SENP6: variants seen among roughly 807,000 people sequenced by gnomAD.
The protein encoded by SENP6 is sentrin-specific protease 6.
Under a neutral mutation model 134.5 loss-of-function variants are expected in SENP6, and 41 were observed. The observed-to-expected ratio is 0.30, with a 90% CI of 0.24 to 0.40. The LOEUF is 0.40. Ranked by LOEUF, SENP6 falls within the 10% of genes least tolerant of loss-of-function variation. SENP6 has a pLI of 1.00. For missense variants in SENP6, 1,248 were observed against 1,312.5 expected (o/e 0.95, Z 0.76); for synonymous variants, 395 against 429.8 (o/e 0.92, Z 1.00).
rs1199601110 is a variant in SENP6 at position 75,663,819 on chromosome 6, T to TGGG, written c.994+302_994+303insGGG. Among the ~76,000 whole-genome samples, 85 of 90,722 alleles carry TGGG rather than the reference T, an allele frequency of 9.4e-4. 3 individuals carry two copies. The highest frequency in any genetic ancestry group is 2.2e-3 in the African/African-American group (39 of 17,516). The allele number at this position is 90,722 out of a possible 152,430, so 59.5% of individuals were successfully genotyped here. A position where few individuals can be genotyped will look rare whatever the true frequency, so the allele number is the denominator to read the frequency against. On this transcript the variant is annotated intron_variant, in intron 9 of 23. Coordinates refer to ENST00000447266, the MANE Select transcript of SENP6 (RefSeq NM_015571.4). ...CCTGCTGATAGTGGGTTTTTTTTTTTGTGGGGGGGGGGGTGCCTAAAATAA... is the reference window on the plus strand; with the variant it reads ...CCTGCTGATAGTGGGTTTTTTTTTTTGGGGTGGGGGGGGGGGTGCCTAAAATAA...
At position 75,666,959 on chromosome 6, in the gene SENP6, T is replaced by G; in HGVS notation, c.1224+18T>G. 1 of 1,555,554 alleles carries G rather than the reference T, an allele frequency of 6.4e-7. No individual in the cohort carries two copies. Among genetic ancestry groups the G allele is most frequent in the South Asian group, 1.2e-5 (1 of 86,874 alleles). On this transcript the variant is annotated intron_variant, in intron 10 of 23. Transcript: ENST00000447266. ...AAGACCAGGTACTTTTCACTTTTGT[T>G]GACATTTGTTCAGATTAATGCCTCC...
At chr6:75,621,710 T>C (rs1252768329) in intron 2 of SENP6, 85 bp downstream of exon 2, 1 of 799,494 alleles carries the variant, frequency 1.3e-6, no homozygotes, top group Non-Finnish European at 2.0e-6. Flanking sequence ...GAAATATTTT[T>C]AGGAGTATGG....
chr6:75,697,293 C>A lies in SENP6; in HGVS notation c.2196-132C>A, dbSNP rs111284064. The A allele has an allele frequency of 1.1e-4, 67 of 601,372 alleles. 1 individual carries two copies. The highest frequency in any genetic ancestry group is 1.0e-3 in the African/African-American group (55 of 54,010). The allele number at this position is 601,372 out of a possible 1,614,324, so 37.3% of individuals were successfully genotyped here. On this transcript the variant is annotated intron_variant, in intron 17 of 23. Coordinates refer to ENST00000447266, the MANE Select transcript of SENP6 (RefSeq NM_015571.4). Reference sequence around the variant, plus strand: ...CATCCAACAAGTTCTATTTTCTTTCCCCAGTTTGTCAAACCATTTTATGCA... The same window carrying A: ...CATCCAACAAGTTCTATTTTCTTTCACCAGTTTGTCAAACCATTTTATGCA...
At chr6:75,642,534 A>G (rs1222415464) in intron 6 of SENP6, among the ~76,000 whole-genome samples, 2 of 152,196 alleles carry the variant, frequency 1.3e-5, no homozygotes, top group Admixed American at 6.5e-5. Flanking sequence ...AACAGAAAAA[A>G]GGGGCCACTA....
chr6:75,680,098 A>C (rs1773361380), intron 16 of SENP6, among the ~76,000 whole-genome samples: 1 of 152,238 alleles, frequency 6.6e-6, no homozygotes, highest in Non-Finnish European at 1.5e-5. Flanking sequence ...TTTTAGTTGA[A>C]ATGATGAGAC....
chr6:75,604,607 T>C (rs1203886606), intron 1 of SENP6, among the ~76,000 whole-genome samples: 1 of 149,820 alleles, frequency 6.7e-6, no homozygotes, highest in Non-Finnish European at 1.5e-5. Context: ...CCAGGGCAAC[T>C]GAGCGAGATT....
intron 10 of SENP6, among the ~76,000 whole-genome samples, chr6:75,667,751 G>A (rs1362142504): frequency 1.3e-5 from 2 of 152,108 alleles, no homozygotes; most frequent in African/African-American, 4.8e-5. Flanking sequence ...CAGTACGTAA[G>A]GCTTTATATG....
chr6:75,608,752 C>T (rs1160710081), intron 1 of SENP6, among the ~76,000 whole-genome samples: 1 of 152,074 alleles, frequency 6.6e-6, no homozygotes, highest in African/African-American at 2.4e-5. Context: ...TTGTAGTTAC[C>T]TTATAAGATT....
chr6:75,709,408 C>A, intron 19 of SENP6, 119 bp from the exon 20 acceptor site: 1 of 595,906 alleles, frequency 1.7e-6, no homozygotes, highest in Non-Finnish European at 2.9e-6. Flanking sequence ...CACACTAAGG[C>A]AGATTTTGTG....
intron 16 of SENP6, among the ~76,000 whole-genome samples, chr6:75,686,853 G>C (rs1773878585): frequency 6.6e-6 from 1 of 152,064 alleles, no homozygotes; most frequent in African/African-American, 2.4e-5. Context: ...TCAACCTTGG[G>C]GAATCTGACA....
In SENP6 at chr6:75,695,915, T is replaced by C; in HGVS notation, c.2187T>C (p.Thr729=). ...GAGAGAGGAGAAATCATGAAACAAC[T>C]AATCTGTCGTAAGTCAAACTCTGAA... ...NQRERRNHET[T]NLSIQQKRHG... Residue 729 remains threonine (T), a synonymous_variant, in exon 17 of 24, where the codon ACT becomes ACC. Coordinates refer to ENST00000447266, the MANE Select transcript of SENP6 (RefSeq NM_015571.4). The C allele has an allele frequency of 6.3e-7, 1 of 1,597,096 alleles. No individual in the cohort carries two copies. The highest frequency in any genetic ancestry group is 8.5e-7 in the Non-Finnish European group (1 of 1,174,406).
At chr6:75,688,409 C>G (rs901903807) in intron 16 of SENP6, among the ~76,000 whole-genome samples, 1 of 152,144 alleles carries the variant, frequency 6.6e-6, no homozygotes, top group Non-Finnish European at 1.5e-5. Flanking sequence ...ATCCCCTGTC[C>G]AACCAGTCCC....
intron 2 of SENP6, among the ~76,000 whole-genome samples, chr6:75,623,269 T>C (rs1412823812): frequency 6.6e-6 from 1 of 152,210 alleles, no homozygotes; most frequent in Non-Finnish European, 1.5e-5. Flanking sequence ...TTCTGAATTG[T>C]ACTATTTGGT....
chr6:75,681,026 ATG>A (rs1281541393), intron 16 of SENP6, among the ~76,000 whole-genome samples: 1 of 152,242 alleles, frequency 6.6e-6, no homozygotes, highest in Non-Finnish European at 1.5e-5. Flanking sequence ...CTCAAACTGA[ATG>A]AGAAAAGAAT....
intron 3 of SENP6, among the ~76,000 whole-genome samples, chr6:75,625,826 G>T (rs1768643160): frequency 6.6e-6 from 1 of 152,070 alleles, no homozygotes; most frequent in Non-Finnish European, 1.5e-5. Flanking sequence ...CTGAGATTGC[G>T]CCACTGCACT....
intron 1 of SENP6, among the ~76,000 whole-genome samples, chr6:75,619,739 C>G (rs1768122238): frequency 2.6e-5 from 4 of 152,040 alleles, no homozygotes; most frequent in South Asian, 4.1e-4. Flanking sequence ...TAGCAATGCA[C>G]AAGAGTTCCA....
intron 7 of SENP6, among the ~76,000 whole-genome samples, chr6:75,653,232 T>C (rs369403204): frequency 1.4e-4 from 21 of 152,280 alleles, no homozygotes; most frequent in African/African-American, 5.1e-4. Context: ...GGTTTCTCCA[T>C]GTTGGTCAGT....
At chr6:75,644,352 C>G (rs1770262930) in intron 6 of SENP6, among the ~76,000 whole-genome samples, 2 of 151,948 alleles carry the variant, frequency 1.3e-5, no homozygotes, top group Admixed American at 1.3e-4. Context: ...CGAGTTCTCT[C>G]TAAATACTGA....
At chr6:75,640,503 CAG>C (rs1769942554) in intron 5 of SENP6, among the ~76,000 whole-genome samples, 179 bp from the exon 6 acceptor site, 1 of 151,658 alleles carries the variant, frequency 6.6e-6, no homozygotes, top group South Asian at 2.1e-4. Context: ...TGTATATTGA[CAG>C]AAATCGAAAA....
Sources: allele counts gnomAD v4.1 joint callset (sites outside exome capture counted in the v4.1 genomes callset), GRCh38; gene constraint gnomAD v4.1.1; transcripts MANE v1.5; gene names NCBI Gene and HGNC (gene_info 2026-07-23, HGNC 2026-07-21).